OSBPL6: variants seen among roughly 807,000 people sequenced by gnomAD.
OSBPL6 encodes oxysterol-binding protein-related protein 6.
OSBPL6 carries 49 observed loss-of-function variants against 125.8 expected under a neutral mutation model. The ratio of observed to expected loss-of-function variants is 0.39; its 90% CI spans 0.31 to 0.49. OSBPL6 has a LOEUF of 0.49. Among genes scored for constraint, OSBPL6 ranks in the 20% least tolerant of loss-of-function variants. OSBPL6 has a pLI of 0.88. For missense variants in OSBPL6, 986 were observed against 1,135.4 expected (o/e 0.87, Z 1.89); for synonymous variants, 394 against 391.8 (o/e 1.01, Z -0.07).
chr2:178,367,686 A>G (rs1002822471), intron 13 of OSBPL6, among the ~76,000 whole-genome samples: 2 of 152,232 alleles, frequency 1.3e-5, no homozygotes, highest in Non-Finnish European at 2.9e-5. Context: ...CGCATTGGAA[A>G]GGAATTGTGT....
intron 1 of OSBPL6, among the ~76,000 whole-genome samples, chr2:178,204,238 A>C (rs1315415698): frequency 6.6e-6 from 1 of 152,058 alleles, no homozygotes; most frequent in Admixed American, 6.5e-5. Flanking sequence ...TGGCCAAGCC[A>C]GTCTCGAACA....
At chr2:178,221,209 T>C (rs976459274) in intron 1 of OSBPL6, among the ~76,000 whole-genome samples, 9 of 152,094 alleles carry the variant, frequency 5.9e-5, no homozygotes, top group African/African-American at 1.7e-4. Context: ...AGTTTAGAGA[T>C]GGCCAGAGAA....
chr2:178,236,406 A>G (rs1490727484), intron 1 of OSBPL6, among the ~76,000 whole-genome samples: 2 of 152,196 alleles, frequency 1.3e-5, no homozygotes, highest in Non-Finnish European at 2.9e-5. Flanking sequence ...TAATTATAAT[A>G]TGCTACTGTA....
At chr2:178,369,459 T>C (rs994403327) in intron 13 of OSBPL6, among the ~76,000 whole-genome samples, 3 of 152,176 alleles carry the variant, frequency 2.0e-5, no homozygotes, top group Non-Finnish European at 4.4e-5. Context: ...CTGTGCAGGA[T>C]TCTGACTTAG....
At chr2:178,222,475 C>T (rs1266316387) in intron 1 of OSBPL6, among the ~76,000 whole-genome samples, 1 of 152,138 alleles carries the variant, frequency 6.6e-6, no homozygotes, top group African/African-American at 2.4e-5. Context: ...AACCCCGTCT[C>T]TACTAAAAAT....
At chr2:178,372,664 T>C (rs1327860945) in intron 14 of OSBPL6, among the ~76,000 whole-genome samples, 1 of 150,142 alleles carries the variant, frequency 6.7e-6, no homozygotes, top group Non-Finnish European at 1.5e-5. Context: ...CACCTGACCT[T>C]GTTAAGATAA....
At chr2:178,313,873 C>T (rs1359766977) in intron 3 of OSBPL6, among the ~76,000 whole-genome samples, 1 of 152,198 alleles carries the variant, frequency 6.6e-6, no homozygotes, top group Non-Finnish European at 1.5e-5. Flanking sequence ...AGTGGCATGG[C>T]CATTCACAGC....
At chr2:178,294,437 C>A (rs919877855) in intron 2 of OSBPL6, among the ~76,000 whole-genome samples, 1 of 152,126 alleles carries the variant, frequency 6.6e-6, no homozygotes, top group Non-Finnish European at 1.5e-5. Context: ...TTAAAATTAT[C>A]CAATATTGAT....
In OSBPL6 at chr2:178,377,039, G is replaced by A. The variant is rs79338911; in HGVS notation, c.1533+3012G>A. Among the ~76,000 whole-genome samples the A allele has an allele frequency of 7.1e-3, 1,077 of 152,276 alleles. 11 individuals are homozygous for A. Among genetic ancestry groups the A allele is most frequent in the African/African-American group, 0.024 (1,015 of 41,552 alleles). ...TGCTTTTCCCCTTCAGCTAAGGCTCGGTTTCTGGGACAATCTCATCTGCCC... is the reference window on the plus strand; with the variant it reads ...TGCTTTTCCCCTTCAGCTAAGGCTCAGTTTCTGGGACAATCTCATCTGCCC... On this transcript the variant is annotated intron_variant, in intron 15 of 24. Coordinates refer to ENST00000190611, the MANE Select transcript of OSBPL6 (RefSeq NM_032523.4).
At chr2:178,255,360 A>G (rs1399969169) in intron 1 of OSBPL6, among the ~76,000 whole-genome samples, 2 of 152,190 alleles carry the variant, frequency 1.3e-5, no homozygotes, top group African/African-American at 2.4e-5. Context: ...TGTGCAGGGG[A>G]ACTGCCCTTT....
chr2:178,380,166 T>C (rs889907167), intron 15 of OSBPL6, among the ~76,000 whole-genome samples: 2 of 152,140 alleles, frequency 1.3e-5, no homozygotes, highest in Non-Finnish European at 2.9e-5. Flanking sequence ...AGCAATCTTT[T>C]GGCCAGGTGC....
At chr2:178,382,811 G>T in intron 16 of OSBPL6, 5 of 1,400,782 alleles carry the variant, frequency 3.6e-6, no homozygotes, top group Non-Finnish European at 4.7e-6. Flanking sequence ...TGATATTTGA[G>T]TGTATCTAAT....
At chr2:178,328,023 A>G (rs1362012117) in intron 4 of OSBPL6, among the ~76,000 whole-genome samples, 1 of 152,228 alleles carries the variant, frequency 6.6e-6, no homozygotes, top group Admixed American at 6.5e-5. Context: ...AGGTGGCTCC[A>G]CTGAGTCTCT....
At position 178,267,373 on chromosome 2, in the gene OSBPL6, A is replaced by C. The variant is rs1008470575; in HGVS notation, c.-350-17554A>C. Among the ~76,000 whole-genome samples the C allele has an allele frequency of 1.6e-3, 236 of 150,528 alleles. 1 individual carries two copies. The highest frequency in any genetic ancestry group is 5.2e-3 in the African/African-American group (210 of 40,554). ...CATCTCAAAAAAAAAAAAAAAAAAA[A>C]AACAAAACAAGGTTTATCATTTTCT... On this transcript the variant is annotated intron_variant, in intron 1 of 24. Transcript: ENST00000190611.
At chr2:178,214,231 A>G (rs1359507691) in intron 1 of OSBPL6, among the ~76,000 whole-genome samples, 1 of 152,184 alleles carries the variant, frequency 6.6e-6, no homozygotes, top group Non-Finnish European at 1.5e-5. Context: ...AATATGGGGT[A>G]TCTGATGTTC....
At chr2:178,325,815 G>A (rs755507930) in intron 4 of OSBPL6, among the ~76,000 whole-genome samples, 12 of 152,204 alleles carry the variant, frequency 7.9e-5, no homozygotes, top group African/African-American at 1.2e-4. Flanking sequence ...CCTAGAAGGA[G>A]GTGGCTGTTA....
In OSBPL6 at chr2:178,398,766, A is replaced by G. The variant is rs1367189951; in HGVS notation, c.*3207A>G. The G allele has an allele frequency of 6.6e-6, 1 of 152,184 alleles. No homozygotes were observed. The highest frequency in any genetic ancestry group is 1.5e-5 in the Non-Finnish European group (1 of 68,032). 9.4% of individuals were successfully genotyped at this position (152,184 alleles called of 1,614,324 possible). A position where few individuals can be genotyped will look rare whatever the true frequency, so the allele number is the denominator to read the frequency against. ...TTTTCTAAACCTTTTCCTCTAGATT[A>G]TTCTGGCCCTAGGCCTTTCAGCAAC... is the stretch of plus-strand genomic sequence containing the variant. On this transcript the variant is annotated 3_prime_UTR_variant, in exon 25 of 25. Coordinates refer to ENST00000190611, the MANE Select transcript of OSBPL6 (RefSeq NM_032523.4).
At chr2:178,346,458 T>C (rs1046012875) in intron 11 of OSBPL6, among the ~76,000 whole-genome samples, 3 of 152,242 alleles carry the variant, frequency 2.0e-5, no homozygotes, top group African/African-American at 7.2e-5. Flanking sequence ...TTTTGACTTA[T>C]TCATGGACAG....
In OSBPL6 at chr2:178,273,307, AT is replaced by A. The variant is rs577399598; in HGVS notation, c.-350-11619del. ...TCAGTATTAACTTAAGTATTTTAAT[AT>A]GGCCGGGCTGTGGCACATTCCTGTA... On this transcript the variant is annotated intron_variant, in intron 1 of 24. Transcript: ENST00000190611. Among the ~76,000 whole-genome samples, 25 of 152,282 alleles carry A rather than the reference AT, an allele frequency of 1.6e-4. 1 individual carries two copies. The South Asian group carries it at 5.2e-3, about 32-fold the overall frequency.
Sources: allele counts gnomAD v4.1 joint callset (sites outside exome capture counted in the v4.1 genomes callset), GRCh38; gene constraint gnomAD v4.1.1; transcripts MANE v1.5; gene names NCBI Gene and HGNC (gene_info 2026-07-23, HGNC 2026-07-21).